Variants in NLK observed in about 807,000 individuals in gnomAD.
NLK encodes nemo like kinase, also known as serine/threonine-protein kinase NLK.
NLK carries 11 observed loss-of-function variants against 59.0 expected under a neutral mutation model. The observed-to-expected ratio is 0.19, with a 90% confidence interval of 0.12 to 0.31. NLK has a LOEUF of 0.31. Ranked by LOEUF, NLK falls within the 10% of genes least tolerant of loss-of-function variation. The pLI is 1.00. For synonymous variants in NLK, 235 were observed against 235.9 expected (o/e 1.00, Z 0.03); for missense variants, 410 against 661.1 (o/e 0.62, Z 4.16).
At chr17:28,075,266 T>C (rs1910128718) in intron 1 of NLK, among the ~76,000 whole-genome samples, 1 of 152,210 alleles carries the variant, frequency 6.6e-6, no homozygotes, top group Non-Finnish European at 1.5e-5. Flanking sequence ...CTAAGGTGAT[T>C]CGTGTGAAAC....
At chr17:28,156,053 AT>A (rs1567730599) in intron 3 of NLK, among the ~76,000 whole-genome samples, 1 of 152,056 alleles carries the variant, frequency 6.6e-6, no homozygotes, top group African/African-American at 2.4e-5. Flanking sequence ...ATATTCTTGC[AT>A]TTTTTTATAA....
chr17:28,175,975 T>C (rs893650341), intron 7 of NLK, among the ~76,000 whole-genome samples: 4 of 152,218 alleles, frequency 2.6e-5, no homozygotes, highest in African/African-American at 9.6e-5. Context: ...TTTGATAAGC[T>C]TCAGTTTTTT....
intron 6 of NLK, 104 bp from the exon 7 acceptor site, chr17:28,172,413 T>C: frequency 1.7e-6 from 1 of 575,448 alleles, no homozygotes; most frequent in Non-Finnish European, 2.7e-6. Context: ...TGTCTTAAGG[T>C]TTTTTCCCCC....
At chr17:28,184,799 T>C (rs561157158) in intron 7 of NLK, among the ~76,000 whole-genome samples, 259 of 152,082 alleles carry the variant, frequency 1.7e-3, no homozygotes, top group Non-Finnish European at 2.8e-3. Flanking sequence ...AATACAAAAT[T>C]ACCCAAGCGT....
intron 1 of NLK, among the ~76,000 whole-genome samples, chr17:28,061,748 A>G (rs1023561724): frequency 2.7e-5 from 4 of 147,542 alleles, no homozygotes; most frequent in Admixed American, 1.4e-4. Flanking sequence ...TCATATATAT[A>G]TACATATATA....
intron 1 of NLK, among the ~76,000 whole-genome samples, chr17:28,117,030 G>T (rs1325687074): frequency 6.6e-6 from 1 of 152,152 alleles, no homozygotes; most frequent in African/African-American, 2.4e-5. Flanking sequence ...TTCTAAGCAA[G>T]GACTGTGGCT....
At chr17:28,097,776 C>G (rs960162915) in intron 1 of NLK, among the ~76,000 whole-genome samples, 1 of 152,104 alleles carries the variant, frequency 6.6e-6, no homozygotes, top group African/African-American at 2.4e-5. Flanking sequence ...TAAGTTTTAG[C>G]AACTAGGAAA....
chr17:28,185,142 A>T, intron 7 of NLK, 37 bp from the exon 8 acceptor site: 1 of 1,258,460 alleles, frequency 7.9e-7, no homozygotes, highest in Non-Finnish European at 1.1e-6. Flanking sequence ...TTACACAAAG[A>T]CTCACTTAAA....
chr17:28,156,572 G>GGGGGAA (rs1907743693), intron 3 of NLK, among the ~76,000 whole-genome samples: 1 of 152,148 alleles, frequency 6.6e-6, no homozygotes, highest in African/African-American at 2.4e-5. Context: ...TTTTGTGGGA[G>GGGGGAA]GGGGAGGGGG....
chr17:28,152,821 A>G (rs1907537407), intron 3 of NLK, among the ~76,000 whole-genome samples: 2 of 152,082 alleles, frequency 1.3e-5, no homozygotes, highest in Non-Finnish European at 2.9e-5. Context: ...ACAGGGTGTC[A>G]TTAAGATGCC....
Position 28,043,217 on chromosome 17 carries a change from C to T in NLK, c.344C>T (p.Ala115Val). Residue 115 changes from alanine to valine, a missense_variant, in exon 1 of 11, where the codon GCT becomes GTT. Ala to Val is a moderately conservative substitution (Grantham distance 64). Around this residue, in one of 5 missense-constraint regions of NLK, gnomAD observed 160 missense variants for 171.0 expected, o/e 0.94. Coordinates refer to ENST00000407008, the MANE Select transcript of NLK (RefSeq NM_016231.5). ...GCAGCAGCCCCAGCTCAGGTACAGGCTGCCGCAGCTGCTACAGTTAAGGCG... is the reference window on the plus strand; with the variant it reads ...GCAGCAGCCCCAGCTCAGGTACAGGTTGCCGCAGCTGCTACAGTTAAGGCG... ...PAAAAPAQVQAAAAATVKAHH... is the reference protein window; with the variant it reads ...PAAAAPAQVQVAAAATVKAHH... The T allele has an allele frequency of 1.2e-6, 2 of 1,614,000 alleles. No homozygotes were observed. Among genetic ancestry groups the T allele is most frequent in the Non-Finnish European group, 8.5e-7 (1 of 1,179,878 alleles).
intron 3 of NLK, among the ~76,000 whole-genome samples, chr17:28,134,221 G>A (rs1002708101): frequency 6.6e-6 from 1 of 152,000 alleles, no homozygotes; most frequent in Admixed American, 6.6e-5. Context: ...AACATAGCAA[G>A]GCCTCGTCTC....
chr17:28,124,393 TG>T (rs1906204806), intron 2 of NLK, among the ~76,000 whole-genome samples: 1 of 152,046 alleles, frequency 6.6e-6, no homozygotes, highest in South Asian at 2.1e-4. Context: ...CTGGGTGTGG[TG>T]GCACACATCT....
intron 2 of NLK, among the ~76,000 whole-genome samples, chr17:28,126,336 G>A (rs1906289260): frequency 6.6e-6 from 1 of 152,134 alleles, no homozygotes. Context: ...TGAGGCCCAG[G>A]TATCTGATTT....
At chr17:28,144,692 ATTTAT>A (rs1907166386) in intron 3 of NLK, among the ~76,000 whole-genome samples, 1 of 152,144 alleles carries the variant, frequency 6.6e-6, no homozygotes, top group African/African-American at 2.4e-5. Flanking sequence ...ATGGGACTGT[ATTTAT>A]TTGATCTTTT....
chr17:28,197,044 C>G (rs1909501196), downstream of NLK, among the ~76,000 whole-genome samples: 1 of 152,034 alleles, frequency 6.6e-6, no homozygotes, highest in Non-Finnish European at 1.5e-5. Flanking sequence ...ATTCATTCAA[C>G]AAAATTTTGA....
chr17:28,204,003 CAGAG>C, the NLK span, among the ~76,000 whole-genome samples: 2 of 152,216 alleles, frequency 1.3e-5, no homozygotes, highest in Admixed American at 6.5e-5. Context: ...TCACACTTCT[CAGAG>C]AGCTGCCCTG....
rs541700473 is a variant in NLK at position 28,044,556 on chromosome 17, G to T, written c.458+1225G>T. Among the ~76,000 whole-genome samples, 6 of 152,300 alleles carry T rather than the reference G, an allele frequency of 3.9e-5. No individual in the cohort carries two copies. In the South Asian group the frequency reaches 1.2e-3, roughly 32 times the overall value. Reference sequence around the variant, plus strand: ...AGTCCCCAAGGAAGTTTCTGCTGCAGCGTGGTCCTTTCTTCAAGGTGTGTG... The same window carrying T: ...AGTCCCCAAGGAAGTTTCTGCTGCATCGTGGTCCTTTCTTCAAGGTGTGTG... On this transcript the variant is annotated intron_variant, in intron 1 of 10. Transcript: ENST00000407008.
At chr17:28,165,388 A>G (rs1908181362) in intron 5 of NLK, among the ~76,000 whole-genome samples, 1 of 152,142 alleles carries the variant, frequency 6.6e-6, no homozygotes, top group Non-Finnish European at 1.5e-5. Flanking sequence ...CTTGGACTGT[A>G]TGAATGGGCA....
Sources: gnomAD v4.1 joint callset for allele counts (sites outside exome capture counted in the v4.1 genomes callset) on GRCh38, gnomAD v4.1.1 for gene constraint, gnomAD v4.1.1 regional missense constraint, MANE v1.5 for transcripts, NCBI Gene and HGNC (gene_info 2026-07-23, HGNC 2026-07-21) for gene names.